Variants in PDZD2 observed in about 807,000 individuals in gnomAD.
PDZD2 encodes the protein PDZ domain-containing protein 2.
A neutral mutation model predicts 220.7 loss-of-function variants in PDZD2; 90 were observed. The ratio of observed to expected loss-of-function variants is 0.41; its 90% CI spans 0.34 to 0.49. PDZD2 has a LOEUF of 0.49. Ranked by LOEUF, PDZD2 falls within the 20% of genes least tolerant of loss-of-function variation. PDZD2 has a pLI of 0.28. For synonymous variants in PDZD2, 1,375 were observed against 1,450.5 expected, an observed-to-expected ratio of 0.95 and a Z score of 1.18; for missense variants, 3,174 against 3,608.5, an observed-to-expected ratio of 0.88 and a Z score of 3.08.
At chr5:31,783,021 T>C (rs552764927) in intron 1 of PDZD2, among the ~76,000 whole-genome samples, 5 of 152,290 alleles carry the variant, frequency 3.3e-5, no homozygotes, top group African/African-American at 9.6e-5. Flanking sequence ...GCCACCACTT[T>C]AAATTTTAAG....
intron 5 of PDZD2, among the ~76,000 whole-genome samples, chr5:32,002,892 C>CAAA (rs1368308412): frequency 4.4e-5 from 1 of 22,546 alleles, no homozygotes; most frequent in Non-Finnish European, 8.5e-5. Flanking sequence ...ACCACACACA[C>CAAA]CAACACACAC....
intron 2 of PDZD2, chr5:31,923,651 C>A: frequency 1.4e-6 from 1 of 693,808 alleles, no homozygotes; most frequent in Non-Finnish European, 2.7e-6. Context: ...GCACAAGGCT[C>A]TTCACAGATG....
In PDZD2 at chr5:32,021,301, G is replaced by A. The variant is rs149647021; in HGVS notation, c.1407+10819G>A. Among the ~76,000 whole-genome samples the A allele has an allele frequency of 8.1e-3, 1,228 of 151,780 alleles. 32 individuals are homozygous for A. The highest frequency in any genetic ancestry group is 0.059 in the East Asian group (300 of 5,120). On this transcript the variant is annotated intron_variant, in intron 6 of 24. Coordinates refer to ENST00000438447, the MANE Select transcript of PDZD2 (RefSeq NM_178140.4). The stretch of plus-strand genomic sequence containing the variant: ...GTTGTTTTTGAGACAGCCTCGCTCT[G>A]TCACCCAGGCTGGAGTGCTGTGGCA...
intron 1 of PDZD2, among the ~76,000 whole-genome samples, chr5:31,703,477 G>A (rs1384987879): frequency 6.6e-6 from 1 of 152,068 alleles, no homozygotes; most frequent in African/African-American, 2.4e-5. Flanking sequence ...GACCTGTCGG[G>A]GGGTCGGGGG....
Position 32,039,162 on chromosome 5 carries a change from C to T in PDZD2, c.1519+1820C>T, listed in dbSNP as rs1001417484. On this transcript the variant is annotated intron_variant, in intron 7 of 24. Transcript: ENST00000438447. ...CCTCTCTTGCCGAGCCTGGACTGTA[C>T]TGCCATGATCTCGGCTCGCTGCAAC... is the stretch of plus-strand genomic sequence containing the variant. 3.6e-4 allele frequency among the ~76,000 whole-genome samples: 54 copies of T among 149,804 alleles called. 1 individual carries two copies. The highest frequency in any genetic ancestry group is 6.4e-4 in the Admixed American group (9 of 13,960).
intron 1 of PDZD2, among the ~76,000 whole-genome samples, chr5:31,710,819 A>G (rs1368512998): frequency 3.5e-5 from 1 of 28,300 alleles, no homozygotes; most frequent in Non-Finnish European, 7.2e-5. Flanking sequence ...TCCGTCTTGA[A>G]AAAAAAAAAA....
Position 32,101,214 on chromosome 5 carries a change from C to T in PDZD2, c.8328C>T (p.Pro2776=), listed in dbSNP as rs775974893. 1.5e-5 allele frequency: 24 copies of T among 1,613,838 alleles called. No individual in the cohort carries two copies. The highest frequency in any genetic ancestry group is 1.8e-5 in the Non-Finnish European group (21 of 1,179,860). Residue 2776 remains proline (P), a synonymous_variant, in exon 24 of 25, where the codon CCC becomes CCT. Coordinates refer to ENST00000438447, the MANE Select transcript of PDZD2 (RefSeq NM_178140.4). ...AATCATCGGTGACGGGAGATGGGCC[C>T]TTGGTCATTAAAAGAGTGTACAAAG... ...GGKSSVTGDG[P]LVIKRVYKGG... is the part of the protein sequence containing the mutation.
chr5:31,834,462 TC>T (rs1207913250), intron 2 of PDZD2, among the ~76,000 whole-genome samples: 2 of 152,096 alleles, frequency 1.3e-5, no homozygotes, highest in African/African-American at 4.8e-5. Context: ...TGAACACTCT[TC>T]CCCCCAAAAT....
chr5:31,829,171 A>G (rs1756400715), intron 2 of PDZD2, among the ~76,000 whole-genome samples: 2 of 152,128 alleles, frequency 1.3e-5, no homozygotes, highest in Non-Finnish European at 2.9e-5. Context: ...GTTCTGAAAA[A>G]GTTGATTTTG....
chr5:32,027,715 C>T (rs1754783603), intron 6 of PDZD2, among the ~76,000 whole-genome samples: 1 of 152,174 alleles, frequency 6.6e-6, no homozygotes, highest in Non-Finnish European at 1.5e-5. Context: ...GCAGTAGATT[C>T]CTGTTTTAAT....
intron 2 of PDZD2, among the ~76,000 whole-genome samples, chr5:31,904,607 A>C (rs1742460487): frequency 6.6e-6 from 1 of 152,078 alleles, no homozygotes; most frequent in African/African-American, 2.4e-5. Context: ...GGCTCACTGC[A>C]AGCTCCGCCT....
At chr5:31,859,007 G>A (rs1388191468) in intron 2 of PDZD2, among the ~76,000 whole-genome samples, 1 of 152,004 alleles carries the variant, frequency 6.6e-6, no homozygotes, top group African/African-American at 2.4e-5. Flanking sequence ...GAGCCCCCGA[G>A]CCCAGCCAAG....
intron 1 of PDZD2, among the ~76,000 whole-genome samples, chr5:31,740,809 C>G (rs1750214239): frequency 6.6e-6 from 1 of 152,144 alleles, no homozygotes; most frequent in African/African-American, 2.4e-5. Flanking sequence ...ATTGTTTCAT[C>G]CCTTCTTAAA....
intron 2 of PDZD2, among the ~76,000 whole-genome samples, chr5:31,811,477 A>C (rs1755106207): frequency 1.3e-5 from 2 of 152,210 alleles, no homozygotes; most frequent in African/African-American, 4.8e-5. Context: ...TCTTTGACTT[A>C]AATTTAGCCA....
intron 1 of PDZD2, among the ~76,000 whole-genome samples, chr5:31,766,630 C>T (rs6865160): frequency 1.3e-5 from 2 of 151,996 alleles, no homozygotes; most frequent in Non-Finnish European, 2.9e-5. Flanking sequence ...GGGCTTAAGA[C>T]ATCTGCCCGC....
chr5:31,870,626 G>A (rs766144921), intron 2 of PDZD2, among the ~76,000 whole-genome samples: 5 of 152,126 alleles, frequency 3.3e-5, no homozygotes, highest in Middle Eastern at 3.2e-3. Flanking sequence ...GGTGGCTCAC[G>A]CGTATAATCC....
intron 2 of PDZD2, among the ~76,000 whole-genome samples, chr5:31,926,304 G>A (rs183151240): frequency 7.2e-5 from 11 of 151,726 alleles, no homozygotes; most frequent in South Asian, 2.1e-4. Flanking sequence ...TGAGGCGGGC[G>A]GATCACCTGA....
At chr5:31,945,723 C>T (rs947449768) in intron 2 of PDZD2, among the ~76,000 whole-genome samples, 1 of 152,056 alleles carries the variant, frequency 6.6e-6, no homozygotes. Flanking sequence ...GAGACCACAT[C>T]GTCTTCCCTG....
At chr5:31,979,834 C>T (rs1010373581) in intron 2 of PDZD2, among the ~76,000 whole-genome samples, 2 of 152,170 alleles carry the variant, frequency 1.3e-5, no homozygotes, top group Non-Finnish European at 2.9e-5. Context: ...GCTTTGGAAT[C>T]AGGCAGGTTT....
Sources: gnomAD v4.1 joint callset for allele counts (sites outside exome capture counted in the v4.1 genomes callset) on GRCh38, gnomAD v4.1.1 for gene constraint, MANE v1.5 for transcripts, NCBI Gene and HGNC (gene_info 2026-07-23, HGNC 2026-07-21) for gene names.